KIF14: variants seen among roughly 807,000 people sequenced by gnomAD.
KIF14 encodes kinesin-like protein KIF14.
KIF14 carries 98 observed loss-of-function variants against 176.2 expected under a neutral mutation model. That is an observed-to-expected ratio of 0.56 (90% CI 0.47 to 0.66). The LOEUF is 0.66. Ranked by LOEUF, KIF14 falls within the 30% of genes least tolerant of loss-of-function variation. The pLI is 0.00. For synonymous variants in KIF14, 566 were observed against 632.2 expected, an observed-to-expected ratio of 0.90 and a Z score of 1.57; for missense variants, 1,751 against 1,920.4, an observed-to-expected ratio of 0.91 and a Z score of 1.65.
chr1:200,570,012 A>G lies in KIF14; in HGVS notation c.3567-7T>C, dbSNP rs1162063856. 4.0e-6 allele frequency: 6 copies of G among 1,509,150 alleles called. No homozygotes were observed. The Admixed American group carries it at 1.0e-4, about 26-fold the overall frequency. The allele number at this position is 1,509,150 out of a possible 1,614,324, so 93.5% of individuals were successfully genotyped here. ...CTTCATCAAACTCCTACTCCTGAAA[A>G]AAGACAAACCATAAGATTAGCAGTT... On this transcript the variant is annotated splice_polypyrimidine_tract_variant and splice_region_variant and intron_variant, in intron 22 of 29. Coordinates refer to ENST00000367350, the MANE Select transcript of KIF14 (RefSeq NM_014875.3).
At chr1:200,569,170 C>T (rs1236444347) in intron 23 of KIF14, among the ~76,000 whole-genome samples, 1 of 152,022 alleles carries the variant, frequency 6.6e-6, no homozygotes, top group African/African-American at 2.4e-5. Context: ...GGTGATTCAC[C>T]CACCTCAGCC....
intron 19 of KIF14, among the ~76,000 whole-genome samples, chr1:200,585,519 G>T (rs1003070320): frequency 6.6e-6 from 1 of 152,162 alleles, no homozygotes; most frequent in Non-Finnish European, 1.5e-5. Context: ...AAAACATGCT[G>T]CACATTGAAA....
At chr1:200,588,251 T>G (rs1301496272) in intron 18 of KIF14, among the ~76,000 whole-genome samples, 1 of 147,292 alleles carries the variant, frequency 6.8e-6, no homozygotes, top group Non-Finnish European at 1.5e-5. Flanking sequence ...TTGTTTTGTT[T>G]TTTTTTTTTT....
intron 8 of KIF14, among the ~76,000 whole-genome samples, chr1:200,604,218 T>A (rs1659764860): frequency 6.6e-6 from 1 of 151,960 alleles, no homozygotes; most frequent in African/African-American, 2.4e-5. Flanking sequence ...AAGCACATGC[T>A]GCTACACCTG....
At position 200,617,967 on chromosome 1, in the gene KIF14, T is replaced by C. The variant is rs756972367; in HGVS notation, c.757A>G (p.Asn253Asp). ...KLDIKVLGTGNLYHRSIGKEI... is the reference protein window; with the variant it reads ...KLDIKVLGTGDLYHRSIGKEI... ...TTCCCAATACTTCTATGATACAAGT[T>C]TCCTGTTCCCAACACTTTGATATCC... The change falls in exon 2 of 30, where the codon AAC becomes GAC. Residue 253 changes from asparagine (N) to aspartate (D), a missense_variant. Transcript: ENST00000367350. 1.9e-6 allele frequency: 3 copies of C among 1,614,036 alleles called. No homozygotes were observed. The highest frequency in any genetic ancestry group is 2.5e-6 in the Non-Finnish European group (3 of 1,179,988).
intron 23 of KIF14, 44 bp from the exon 24 acceptor site, chr1:200,565,713 T>C (rs375198720): frequency 1.0e-4 from 134 of 1,278,378 alleles, no homozygotes; most frequent in Non-Finnish European, 1.4e-4. Flanking sequence ...TTTTCAGGAA[T>C]AATACTTTCT....
rs201072668 is a variant in KIF14 at position 200,554,568 on chromosome 1, T to C, written c.4467A>G (p.Glu1489=). ...FRRQVQEENF[E]YQDFKRMVNR... Reference sequence around the variant, plus strand: ...TAACCATCCTCTTGAAATCTTGGTATTCAAAGTTTTCTTCTTGTACTTGCC... The same window carrying C: ...TAACCATCCTCTTGAAATCTTGGTACTCAAAGTTTTCTTCTTGTACTTGCC... Residue 1489 remains glutamate (E), a synonymous_variant, in exon 29 of 30, where the codon GAA becomes GAG. Coordinates refer to ENST00000367350, the MANE Select transcript of KIF14 (RefSeq NM_014875.3). The C allele has an allele frequency of 3.2e-6, 5 of 1,548,578 alleles. No homozygotes were observed. In the Middle Eastern group the frequency reaches 5.1e-4, roughly 157 times the overall value.
rs773854019 is a variant in KIF14 at position 200,560,800 on chromosome 1, A to G, written c.4152T>C (p.Tyr1384=). The G allele has an allele frequency of 6.2e-7, 1 of 1,614,168 alleles. No homozygotes were observed. The highest frequency in any genetic ancestry group is 8.5e-7 in the Non-Finnish European group (1 of 1,180,008). ...CTTTCAGAACTGCTAACTGCCCCACATACTTTACAGCTTGTTGTACAATTT... is the reference window on the plus strand; with the variant it reads ...CTTTCAGAACTGCTAACTGCCCCACGTACTTTACAGCTTGTTGTACAATTT... The part of the protein sequence containing the change: ...AIQIVQQAVK[Y]VGQLAVLKGS... The change falls in exon 26 of 30, where the codon TAT becomes TAC. Residue 1384 remains tyrosine, a synonymous_variant. Transcript: ENST00000367350.
At chr1:200,564,351 T>C (rs1266487972) in intron 25 of KIF14, among the ~76,000 whole-genome samples, 1 of 150,754 alleles carries the variant, frequency 6.6e-6, no homozygotes, top group Non-Finnish European at 1.5e-5. Context: ...GGCTCCTCCA[T>C]AGTGGGTCAT....
intron 5 of KIF14, among the ~76,000 whole-genome samples, chr1:200,606,999 A>G (rs1437821233): frequency 6.6e-6 from 1 of 150,794 alleles, no homozygotes; most frequent in Non-Finnish European, 1.5e-5. Context: ...AACTGTTCAT[A>G]GTAGCACAAT....
rs778931484 is a variant in KIF14, at chr1:200,590,259, T to C, written c.2827A>G (p.Ile943Val). 1.5e-5 allele frequency: 24 copies of C among 1,613,054 alleles called. No individual in the cohort carries two copies. The highest frequency in any genetic ancestry group is 1.9e-5 in the Non-Finnish European group (23 of 1,179,814). The change falls in exon 17 of 30, where the codon ATA becomes GTA. Residue 943 changes from isoleucine (I) to valine (V), a missense_variant. By Grantham distance (29) the Ile-to-Val change is conservative. Coordinates refer to ENST00000367350, the MANE Select transcript of KIF14 (RefSeq NM_014875.3). ...TTTGCCTTCAACTGAGCCTCTTTTA[T>C]TTCTGCTTCAAGTCTACAATGTAGC... ...MAQRSQLEAE[I>V]KEAQLKAKEE...
intron 5 of KIF14, 66 bp from the exon 6 acceptor site, chr1:200,606,864 A>T (rs756343589): frequency 8.1e-7 from 1 of 1,227,534 alleles, no homozygotes; most frequent in South Asian, 1.2e-5. Context: ...TGAAATGATC[A>T]CTTTTTCTAC....
At chr1:200,584,979 A>G (rs1658657939) in intron 19 of KIF14, among the ~76,000 whole-genome samples, 1 of 152,248 alleles carries the variant, frequency 6.6e-6, no homozygotes, top group Admixed American at 6.5e-5. Context: ...GAAATAAGCC[A>G]GACATAGAAA....
intron 16 of KIF14, 73 bp downstream of exon 16, chr1:200,592,007 C>T: frequency 7.7e-7 from 1 of 1,298,596 alleles, no homozygotes; most frequent in Non-Finnish European, 1.1e-6. Context: ...TTACTAGAGA[C>T]TGGCACAATG....
chr1:200,573,679 C>T (rs974979047), intron 22 of KIF14, among the ~76,000 whole-genome samples: 1 of 152,036 alleles, frequency 6.6e-6, no homozygotes, highest in Admixed American at 6.5e-5. Flanking sequence ...CAATTTCTTA[C>T]CATAGCTTAG....
At position 200,598,327 on chromosome 1, in the gene KIF14, A is replaced by T; in HGVS notation, c.2459T>A (p.Ile820Lys). The T allele has an allele frequency of 3.1e-6, 5 of 1,613,306 alleles. No individual in the cohort carries two copies. Among genetic ancestry groups the T allele is most frequent in the Non-Finnish European group, 4.2e-6 (5 of 1,179,644 alleles). The change falls in exon 14 of 30, where the codon ATA (isoleucine) becomes AAA (lysine). Residue 820 changes from isoleucine to lysine, a missense_variant. Ile to Lys is a moderately radical substitution (Grantham distance 102). Coordinates refer to ENST00000367350, the MANE Select transcript of KIF14 (RefSeq NM_014875.3). ...PQLSEMLLYM[I>K]KEGTTTVGKY... ...TCCAACTGTAGTTGTTCCTTCTTTT[A>T]TCATATATAGCAGCATCTCAGATAG...
At chr1:200,576,267 A>G (rs1221906934) in intron 21 of KIF14, among the ~76,000 whole-genome samples, 1 of 152,050 alleles carries the variant, frequency 6.6e-6, no homozygotes, top group Non-Finnish European at 1.5e-5. Flanking sequence ...TCACGAGGTC[A>G]GGAGATCGAG....
intron 3 of KIF14, among the ~76,000 whole-genome samples, chr1:200,614,745 A>G (rs529386532): frequency 7.4e-6 from 1 of 134,312 alleles, no homozygotes; most frequent in South Asian, 2.4e-4. Flanking sequence ...CACGCTGTGG[A>G]CTGTGGAAGC....
chr1:200,581,133 A>AT, intron 20 of KIF14, 68 bp downstream of exon 20: 1 of 774,806 alleles, frequency 1.3e-6, no homozygotes, highest in Non-Finnish European at 2.0e-6. Context: ...AAAAAAAAAA[A>AT]GAGAAACTAA....
Sources: allele counts gnomAD v4.1 joint callset (sites outside exome capture counted in the v4.1 genomes callset), GRCh38; gene constraint gnomAD v4.1.1; transcripts MANE v1.5; gene names NCBI Gene and HGNC (gene_info 2026-07-23, HGNC 2026-07-21).